The following CNTN5 variants were observed in gnomAD, a reference collection of about 807,000 sequenced individuals.
The protein encoded by CNTN5 is contactin-5.
A neutral mutation model predicts 129.1 loss-of-function variants in CNTN5; 77 were observed. The observed-to-expected ratio is 0.60, with a 90% CI of 0.50 to 0.72. The LOEUF (loss-of-function observed/expected upper bound fraction) is 0.72. CNTN5 is among the 30% of genes least tolerant of loss of function. The pLI is 0.00. For missense variants in CNTN5, 1,478 were observed against 1,328.8 expected (o/e 1.11, Z -1.75); for synonymous variants, 509 against 465.6 (o/e 1.09, Z -1.20).
intron 13 of CNTN5, among the ~76,000 whole-genome samples, chr11:100,091,288 T>C (rs1944771466): frequency 6.6e-6 from 1 of 151,934 alleles, no homozygotes; most frequent in African/African-American, 2.4e-5. Flanking sequence ...AATGTTACCT[T>C]CTCGGAGGCC....
chr11:99,354,912 T>C (rs1200301834), intron 2 of CNTN5, among the ~76,000 whole-genome samples: 1 of 152,220 alleles, frequency 6.6e-6, no homozygotes, highest in Admixed American at 6.5e-5. Flanking sequence ...TCTGGCGCTC[T>C]TTCCATCCTT....
intron 3 of CNTN5, among the ~76,000 whole-genome samples, chr11:99,633,990 G>A (rs1051566443): frequency 1.3e-5 from 2 of 152,156 alleles, no homozygotes; most frequent in African/African-American, 4.8e-5. Flanking sequence ...GTTTAATACT[G>A]CTTGAGAGGT....
At chr11:99,186,724 C>A (rs962049887) in intron 1 of CNTN5, among the ~76,000 whole-genome samples, 2 of 151,854 alleles carry the variant, frequency 1.3e-5, no homozygotes, top group Non-Finnish European at 2.9e-5. Flanking sequence ...AGAAAAGTGA[C>A]CACTTTCTCA....
chr11:99,375,073 C>T (rs958498746), intron 2 of CNTN5, among the ~76,000 whole-genome samples: 9 of 151,932 alleles, frequency 5.9e-5, no homozygotes, highest in Non-Finnish European at 1.0e-4. Flanking sequence ...GATGCCAAGG[C>T]GGGTGGATCA....
intron 1 of CNTN5, among the ~76,000 whole-genome samples, chr11:99,203,283 C>A (rs1859308103): frequency 6.6e-6 from 1 of 152,132 alleles, no homozygotes; most frequent in South Asian, 2.1e-4. Flanking sequence ...AAAAGCCATT[C>A]TACACAGAAT....
At chr11:99,408,417 G>A (rs558379696) in intron 2 of CNTN5, among the ~76,000 whole-genome samples, 821 of 73,142 alleles carry the variant, frequency 0.011, 5 homozygotes, top group Non-Finnish European at 0.018. Flanking sequence ...GAGAAAGAAA[G>A]GAAGGAAAGA....
At chr11:99,811,366 A>G (rs1946422245) in intron 3 of CNTN5, among the ~76,000 whole-genome samples, 1 of 151,476 alleles carries the variant, frequency 6.6e-6, no homozygotes, top group African/African-American at 2.4e-5. Flanking sequence ...TATTTTTATC[A>G]TATTGACATT....
At chr11:99,626,105 G>A (rs995615586) in intron 3 of CNTN5, among the ~76,000 whole-genome samples, 2 of 152,036 alleles carry the variant, frequency 1.3e-5, no homozygotes, top group African/African-American at 4.8e-5. Context: ...GTGAATGGGA[G>A]AATGGAGAGA....
intron 2 of CNTN5, among the ~76,000 whole-genome samples, chr11:99,422,132 A>G (rs1403147148): frequency 6.6e-6 from 1 of 152,182 alleles, no homozygotes; most frequent in Non-Finnish European, 1.5e-5. Flanking sequence ...AGAATCATGA[A>G]CAGAACTTTG....
At chr11:99,928,280 A>G (rs1950109243) in intron 7 of CNTN5, among the ~76,000 whole-genome samples, 1 of 152,116 alleles carries the variant, frequency 6.6e-6, no homozygotes, top group Non-Finnish European at 1.5e-5. Flanking sequence ...CAGTGGACCT[A>G]CTATTCTGGG....
intron 6 of CNTN5, among the ~76,000 whole-genome samples, chr11:99,885,418 C>A (rs71474543): frequency 7.2e-5 from 11 of 152,210 alleles, no homozygotes; most frequent in Middle Eastern, 3.4e-3. Flanking sequence ...GTGATAAAGT[C>A]CTCAAAGTGA....
intron 7 of CNTN5, among the ~76,000 whole-genome samples, chr11:99,950,322 C>CA (rs768977006): frequency 0.014 from 2,125 of 150,974 alleles, 27 homozygotes; most frequent in Admixed American, 0.027. Context: ...ACTAAAAATA[C>CA]AAAAAAAAAT....
chr11:99,204,256 C>T (rs542164232), intron 1 of CNTN5, among the ~76,000 whole-genome samples: 1 of 152,300 alleles, frequency 6.6e-6, no homozygotes, highest in South Asian at 2.1e-4. Context: ...ATTTCTAAAG[C>T]AGTGTTTTTA....
intron 16 of CNTN5, among the ~76,000 whole-genome samples, chr11:100,232,804 G>A (rs887963197): frequency 3.9e-5 from 6 of 152,142 alleles, no homozygotes; most frequent in African/African-American, 1.2e-4. Context: ...ACCCATGTAT[G>A]AGCAGCACAT....
intron 2 of CNTN5, among the ~76,000 whole-genome samples, chr11:99,404,754 C>T (rs1361733197): frequency 6.6e-6 from 1 of 151,972 alleles, no homozygotes; most frequent in Non-Finnish European, 1.5e-5. Flanking sequence ...TATTGGTCAC[C>T]ACAGTTACAA....
intron 1 of CNTN5, among the ~76,000 whole-genome samples, chr11:99,221,171 A>G (rs945692604): frequency 2.6e-5 from 4 of 151,914 alleles, no homozygotes; most frequent in Non-Finnish European, 5.9e-5. Flanking sequence ...TAGAATTCAA[A>G]CAAGTATAAC....
intron 15 of CNTN5, among the ~76,000 whole-genome samples, chr11:100,199,007 T>C (rs1948713486): frequency 6.6e-6 from 1 of 151,984 alleles, no homozygotes. Flanking sequence ...ACATAGTAAG[T>C]GCTCAATTGG....
Position 99,263,784 on chromosome 11 carries a change from G to A in CNTN5, c.-209-61562G>A, listed in dbSNP as rs572080687. 1.6e-4 allele frequency among the ~76,000 whole-genome samples: 23 copies of A among 147,480 alleles called. No homozygotes were observed. In the Middle Eastern group the frequency reaches 0.014, roughly 91 times the overall value. ...CAACAGGTGTGTGCCACCATGCCCA[G>A]CTATTAATTTTTTTTTTTGTAGAGA... On this transcript the variant is annotated intron_variant, in intron 1 of 24. Coordinates refer to ENST00000524871, the MANE Select transcript of CNTN5 (RefSeq NM_014361.4).
intron 7 of CNTN5, among the ~76,000 whole-genome samples, chr11:99,916,643 C>T (rs1037322531): frequency 7.2e-5 from 11 of 152,046 alleles, no homozygotes; most frequent in Non-Finnish European, 1.5e-5. Flanking sequence ...CTTTTTGGCT[C>T]TTTGAGGTCT....
Sources: allele counts gnomAD v4.1 joint callset (sites outside exome capture counted in the v4.1 genomes callset), GRCh38; gene constraint gnomAD v4.1.1; transcripts MANE v1.5; gene names NCBI Gene and HGNC (gene_info 2026-07-23, HGNC 2026-07-21).